Variants in MLLT1 observed in about 807,000 individuals in gnomAD.
MLLT1 encodes the protein protein ENL.
In MLLT1, 11 loss-of-function variants were observed where a neutral mutation model predicts 55.1. That is an observed-to-expected ratio of 0.20 (90% confidence interval 0.13 to 0.33). The LOEUF (loss-of-function observed/expected upper bound fraction) is 0.33. Among genes scored for constraint, MLLT1 ranks in the 10% least tolerant of loss-of-function variants. The pLI, the probability that MLLT1 is intolerant of heterozygous loss-of-function variation, is 1.00. For synonymous variants in MLLT1, 323 were observed against 320.1 expected (o/e 1.01, Z -0.10); for missense variants, 536 against 760.6 (o/e 0.70, Z 3.47).
At position 6,229,771 on chromosome 19, in the gene MLLT1, G is replaced by A. The variant is rs1304599328; in HGVS notation, c.420+799C>T. On this transcript the variant is annotated intron_variant, in intron 4 of 11. Coordinates refer to ENST00000252674, the MANE Select transcript of MLLT1 (RefSeq NM_005934.4). The surrounding 1 kb of genome is among the most constrained non-coding windows in gnomAD (Gnocchi z 5.2). Reference sequence around the variant, plus strand: ...CATGCCACACCCCACACATACACACGACACACACCCCATACCACACATGCC... The same window carrying A: ...CATGCCACACCCCACACATACACACAACACACACCCCATACCACACATGCC... 2.7e-5 allele frequency among the ~76,000 whole-genome samples: 4 copies of A among 149,016 alleles called. No individual in the cohort carries two copies. In the East Asian group the frequency reaches 5.9e-4, roughly 22 times the overall value.
intron 4 of MLLT1, among the ~76,000 whole-genome samples, chr19:6,228,547 G>T (rs958252416): frequency 6.6e-6 from 1 of 152,166 alleles, no homozygotes; most frequent in Non-Finnish European, 1.5e-5. Flanking sequence ...ACGGCGGAAA[G>T]TCCTACCCTC....
intron 1 of MLLT1, among the ~76,000 whole-genome samples, chr19:6,276,892 G>A (rs1406088804): frequency 1.3e-5 from 2 of 152,174 alleles, no homozygotes; most frequent in Non-Finnish European, 2.9e-5. Flanking sequence ...GAGAAGCTGG[G>A]AGCCCAGAGC....
intron 3 of MLLT1, among the ~76,000 whole-genome samples, chr19:6,236,272 G>A (rs1446164587): frequency 1.3e-5 from 2 of 152,188 alleles, no homozygotes; most frequent in African/African-American, 4.8e-5. Flanking sequence ...TGGTGACCAG[G>A]CACTTTCTAA....
At position 6,231,894 on chromosome 19, in the gene MLLT1, A is replaced by G. The variant is rs1419083751; in HGVS notation, c.277-1181T>C. On this transcript the variant is annotated intron_variant, in intron 3 of 11. Transcript: ENST00000252674. This position sits in a 1 kb window ranked among gnomAD's most constrained non-coding sequence, Gnocchi z 5.1. Reference sequence around the variant, plus strand: ...TCCCAGGGGAGTGTGGGAAAACCGCACTATGACAAGCACGAATGTCACACG... The same window carrying G: ...TCCCAGGGGAGTGTGGGAAAACCGCGCTATGACAAGCACGAATGTCACACG... Among the ~76,000 whole-genome samples the G allele has an allele frequency of 6.6e-6, 1 of 152,060 alleles. No individual in the cohort carries two copies. The highest frequency in any genetic ancestry group is 1.5e-5 in the Non-Finnish European group (1 of 68,002).
In MLLT1 at chr19:6,231,213, G is replaced by A. The variant is rs755671376; in HGVS notation, c.277-500C>T. On this transcript the variant is annotated intron_variant, in intron 3 of 11. Transcript: ENST00000252674. The surrounding 1 kb of genome is among the most constrained non-coding windows in gnomAD (Gnocchi z 5.1). Reference sequence around the variant, plus strand: ...AGAGGGGGCAAAAGTACAAGGTCACGACCCAGTTTCCAGGAGGCTCTGTCC... The same window carrying A: ...AGAGGGGGCAAAAGTACAAGGTCACAACCCAGTTTCCAGGAGGCTCTGTCC... Among the ~76,000 whole-genome samples the A allele has an allele frequency of 1.3e-5, 2 of 152,200 alleles. No individual in the cohort carries two copies. Among genetic ancestry groups the A allele is most frequent in the Admixed American group, 6.5e-5 (1 of 15,288 alleles).
Position 6,270,432 on chromosome 19 carries a change from C to A in MLLT1, c.193+147G>T. The A allele has an allele frequency of 1.3e-6, 1 of 775,942 alleles. No individual in the cohort carries two copies. Among genetic ancestry groups the A allele is most frequent in the Non-Finnish European group, 2.0e-6 (1 of 501,720 alleles). The allele number at this position is 775,942 out of a possible 1,614,324, so 48.1% of individuals were successfully genotyped here. ...CTCAACAGCTGGAGGTGACACGGCT[C>A]CAGTGCCCCCACGCCGAGGGACGCA... On this transcript the variant is annotated intron_variant, in intron 2 of 11. Transcript: ENST00000252674. This position sits in a 1 kb window ranked among gnomAD's most constrained non-coding sequence, Gnocchi z 7.1.
intron 8 of MLLT1, among the ~76,000 whole-genome samples, chr19:6,215,923 G>A (rs2090838577): frequency 6.6e-6 from 1 of 152,054 alleles, no homozygotes; most frequent in South Asian, 2.1e-4. Context: ...TGTGCCTCCT[G>A]GGGAAAAGGC....
rs572779907 is a variant in MLLT1 at position 6,229,575 on chromosome 19, C to T, written c.420+995G>A. Reference sequence around the variant, plus strand: ...TCCCCATAACACACGTCACACCATACGTGCGTGACACACCACACACTTCCC... The same window carrying T: ...TCCCCATAACACACGTCACACCATATGTGCGTGACACACCACACACTTCCC... On this transcript the variant is annotated intron_variant, in intron 4 of 11. Transcript: ENST00000252674. This position sits in a 1 kb window ranked among gnomAD's most constrained non-coding sequence, Gnocchi z 5.2. Among the ~76,000 whole-genome samples, 3 of 151,570 alleles carry T rather than the reference C, an allele frequency of 2.0e-5. No individual in the cohort carries two copies. Among genetic ancestry groups the T allele is most frequent in the Admixed American group, 1.3e-4 (2 of 15,244 alleles).
Position 6,271,676 on chromosome 19 carries a change from TTTTCACAGATACGGCCC to T in MLLT1, c.13-934_13-918del, listed in dbSNP as rs1254864417. ...CTGCTTTGTAAAAACCTCCCCAGACTTTTCACAGATACGGCCCTGACACCCGCTATCAAATACAAGAA... is the reference window on the plus strand; with the variant it reads ...CTGCTTTGTAAAAACCTCCCCAGACTTGACACCCGCTATCAAATACAAGAA... On this transcript the variant is annotated intron_variant, in intron 1 of 11. Coordinates refer to ENST00000252674, the MANE Select transcript of MLLT1 (RefSeq NM_005934.4). Among the ~76,000 whole-genome samples the T allele has an allele frequency of 1.2e-4, 19 of 152,338 alleles. 1 individual carries two copies. In the East Asian group the frequency reaches 3.7e-3, roughly 29 times the overall value.
chr19:6,266,187 G>A (rs1312688614), intron 2 of MLLT1, among the ~76,000 whole-genome samples: 1 of 150,648 alleles, frequency 6.6e-6, no homozygotes, highest in Non-Finnish European at 1.5e-5. Flanking sequence ...TGAGGCAGGA[G>A]GACTGCTTCA....
In MLLT1 at chr19:6,262,106, T is replaced by C; in HGVS notation, c.276+122A>G. On this transcript the variant is annotated intron_variant, in intron 3 of 11. Transcript: ENST00000252674. The surrounding 1 kb of genome is among the most constrained non-coding windows in gnomAD (Gnocchi z 4.4). ...TGGTGACCAGCACCCCCCGCAGCACTCACTGGAATGTCTGTGCATGGGCAG... is the reference window on the plus strand; with the variant it reads ...TGGTGACCAGCACCCCCCGCAGCACCCACTGGAATGTCTGTGCATGGGCAG... The C allele has an allele frequency of 1.3e-6, 1 of 752,642 alleles. No individual in the cohort carries two copies. The allele number at this position is 752,642 out of a possible 1,614,324, so 46.6% of individuals were successfully genotyped here.
rs757434661 is a variant in MLLT1 at position 6,230,547 on chromosome 19, G to C, written c.420+23C>G. 1.9e-6 allele frequency: 3 copies of C among 1,610,486 alleles called. No homozygotes were observed. Among genetic ancestry groups the C allele is most frequent in the Non-Finnish European group, 1.7e-6 (2 of 1,179,220 alleles). ...AGCCTCGGTGGAGCGGCCCCTTGGCGGGCAGGGGCGGGGCACACTCACCCC... is the reference window on the plus strand; with the variant it reads ...AGCCTCGGTGGAGCGGCCCCTTGGCCGGCAGGGGCGGGGCACACTCACCCC... On this transcript the variant is annotated intron_variant, in intron 4 of 11. Coordinates refer to ENST00000252674, the MANE Select transcript of MLLT1 (RefSeq NM_005934.4). The surrounding 1 kb of genome is among the most constrained non-coding windows in gnomAD (Gnocchi z 9.0).
In MLLT1 at chr19:6,222,066, G is replaced by A. The variant is rs2090903522; in HGVS notation, c.1110+55C>T. ...CTCCTTCCGCTGTTCCAGAAGGGAG[G>A]CGGGTCCCACCACACTGCCTGCACC... On this transcript the variant is annotated intron_variant, in intron 6 of 11. Coordinates refer to ENST00000252674, the MANE Select transcript of MLLT1 (RefSeq NM_005934.4). The surrounding 1 kb of genome is among the most constrained non-coding windows in gnomAD (Gnocchi z 4.1). The A allele has an allele frequency of 7.2e-7, 1 of 1,380,902 alleles. No homozygotes were observed. Among genetic ancestry groups the A allele is most frequent in the South Asian group, 1.7e-5 (1 of 57,596 alleles). The allele number at this position is 1,380,902 out of a possible 1,614,324, so 85.5% of individuals were successfully genotyped here.
intron 3 of MLLT1, among the ~76,000 whole-genome samples, chr19:6,247,967 T>C (rs149920158): frequency 6.6e-6 from 1 of 152,308 alleles, no homozygotes; most frequent in East Asian, 1.9e-4. Flanking sequence ...CTCAGCTCAC[T>C]GCAACCTCTT....
At chr19:6,233,962 C>T (rs1442594460) in intron 3 of MLLT1, among the ~76,000 whole-genome samples, 3 of 152,232 alleles carry the variant, frequency 2.0e-5, no homozygotes, top group African/African-American at 4.8e-5. Flanking sequence ...TCCTGTCTTC[C>T]CCCGAGGTAC....
chr19:6,268,456 G>C (rs956229931), intron 2 of MLLT1, among the ~76,000 whole-genome samples: 2 of 152,226 alleles, frequency 1.3e-5, no homozygotes, highest in Non-Finnish European at 2.9e-5. Context: ...CAGCCCCGGG[G>C]AGGGAGGACT....
At chr19:6,225,159 C>T (rs1180586911) in intron 5 of MLLT1, among the ~76,000 whole-genome samples, 2 of 152,224 alleles carry the variant, frequency 1.3e-5, no homozygotes, top group African/African-American at 2.4e-5. Context: ...GGGTCCTGCC[C>T]CCTCTATGAG....
chr19:6,254,960 C>T (rs1187545067), intron 3 of MLLT1, among the ~76,000 whole-genome samples: 1 of 100,856 alleles, frequency 9.9e-6, no homozygotes, highest in Non-Finnish European at 2.0e-5. Context: ...AAGCCACACA[C>T]AAAAAAAAAA....
At chr19:6,278,734 T>C (rs2091440964) in intron 1 of MLLT1, among the ~76,000 whole-genome samples, 1 of 151,946 alleles carries the variant, frequency 6.6e-6, no homozygotes, top group Admixed American at 6.6e-5. Flanking sequence ...CAGCAGGCCA[T>C]CAGTGACTCA....
Sources: gnomAD v4.1 joint callset for allele counts (sites outside exome capture counted in the v4.1 genomes callset) on GRCh38, gnomAD v4.1.1 for gene constraint, Gnocchi (gnomAD v3.1) non-coding constraint, MANE v1.5 for transcripts, NCBI Gene and HGNC (gene_info 2026-07-23, HGNC 2026-07-21) for gene names.